The following ZNF43 variants were observed in gnomAD, a reference collection of about 807,000 sequenced individuals.
The protein encoded by ZNF43 is zinc finger protein 39-like 1 (KOX 27).
In ZNF43, 44 loss-of-function variants were observed where a neutral mutation model predicts 68.4. That is an observed-to-expected ratio of 0.64 (90% CI 0.51 to 0.83). The LOEUF (loss-of-function observed/expected upper bound fraction) is 0.83, where lower values mean the gene tolerates loss of function less well. Ranked by LOEUF, ZNF43 falls within the 40% of genes least tolerant of loss-of-function variation. The pLI, the probability that ZNF43 is intolerant of heterozygous loss-of-function variation, is 0.00. For missense variants in ZNF43, 896 were observed against 933.2 expected (o/e 0.96, Z 0.52); for synonymous variants, 308 against 307.8 (o/e 1.00, Z -0.01).
At chr19:21,850,366 C>T (rs1003393230) in intron 1 of ZNF43, among the ~76,000 whole-genome samples, 7 of 151,178 alleles carry the variant, frequency 4.6e-5, no homozygotes, top group Non-Finnish European at 1.0e-4. Context: ...TTCAGACCAG[C>T]CTGGCCAACA....
intron 1 of ZNF43, among the ~76,000 whole-genome samples, chr19:21,831,955 T>G (rs2038444724): frequency 6.6e-6 from 1 of 152,318 alleles, no homozygotes; most frequent in East Asian, 1.9e-4. Flanking sequence ...ATGGCCAAAC[T>G]GCCCAAAGAA....
chr19:21,851,978 G>C (rs564173129), exon 1 of ZNF43: 1 of 1,533,988 alleles, frequency 6.5e-7, no homozygotes, highest in African/African-American at 1.4e-5. Context: ...CAGGGTAACG[G>C]AGGCTGCGAC....
chr19:21,850,567 C>CA (rs1418115973), intron 1 of ZNF43, among the ~76,000 whole-genome samples: 1 of 151,670 alleles, frequency 6.6e-6, no homozygotes, highest in Non-Finnish European at 1.5e-5. Context: ...CTCAAACAAA[C>CA]AAAAAAAGAA....
chr19:21,836,107 C>G lies in ZNF43; in HGVS notation c.-69G>C, dbSNP rs2038718346. On this transcript the variant is annotated 5_prime_UTR_variant, in exon 1 of 4. Transcript: ENST00000354959. The stretch of plus-strand genomic sequence containing the variant: ...CCAATACCCGCAGGTCACAGAGCCA[C>G]AGAGGCTGGACCTCTAGCAGCAGAG... The G allele has an allele frequency of 8.7e-6, 14 of 1,611,440 alleles. No homozygotes were observed. The highest frequency in any genetic ancestry group is 1.1e-5 in the Non-Finnish European group (13 of 1,178,268).
At chr19:21,843,813 T>C (rs999999916) in intron 1 of ZNF43, among the ~76,000 whole-genome samples, 1 of 151,996 alleles carries the variant, frequency 6.6e-6, no homozygotes, top group African/African-American at 2.4e-5. Context: ...GCCTCACAGG[T>C]GTGCTGAATC....
chr19:21,835,877 G>C (rs2038697804), intron 1 of ZNF43, among the ~76,000 whole-genome samples, 159 bp downstream of exon 1: 2 of 152,202 alleles, frequency 1.3e-5, no homozygotes, highest in South Asian at 4.1e-4. Flanking sequence ...GGACGCCCGG[G>C]GCTGCCTCCC....
At position 21,808,396 on chromosome 19, in the gene ZNF43, A is replaced by C; in HGVS notation, c.1641T>G (p.Phe547Leu). ...PYKCEECGKA[F>L]NHFSILTKHK... ...GTTTGGTAAGGATTGAGAAATGGTT[A>C]AAAGCTTTGCCACATTCTTCACATT... Residue 547 changes from phenylalanine to leucine, a missense_variant, in exon 4 of 4, where the codon TTT (phenylalanine) becomes TTG (leucine). By Grantham distance (22) the Phe-to-Leu change is conservative (BLOSUM62 0). Transcript: ENST00000354959. The C allele has an allele frequency of 1.9e-6, 3 of 1,613,004 alleles. No homozygotes were observed. Among genetic ancestry groups the C allele is most frequent in the Non-Finnish European group, 2.5e-6 (3 of 1,179,882 alleles).
upstream of ZNF43, among the ~76,000 whole-genome samples, chr19:21,839,355 A>AAAAAAAAAAAAAAAAAAAAAAAAG (rs1555726813): frequency 6.8e-6 from 1 of 146,158 alleles, no homozygotes; most frequent in Non-Finnish European, 1.5e-5. Flanking sequence ...AAAAAAAAAA[A>AAAAAAAAAAAAAAAAAAAAAAAAG]AGAGATCACA....
chr19:21,834,450 A>G (rs1177844341), intron 1 of ZNF43, among the ~76,000 whole-genome samples: 3 of 152,068 alleles, frequency 2.0e-5, no homozygotes, highest in African/African-American at 7.2e-5. Context: ...AATATGGAAA[A>G]TATTTTCAAA....
At chr19:21,844,579 T>A (rs907196828) in intron 1 of ZNF43, among the ~76,000 whole-genome samples, 2 of 151,836 alleles carry the variant, frequency 1.3e-5, no homozygotes, top group African/African-American at 4.8e-5. Flanking sequence ...AGAATCATCA[T>A]AGTAATTTGT....
Position 21,836,061 on chromosome 19 carries a change from G to A in ZNF43, c.-23C>T. 1 of 1,613,884 alleles carries A rather than the reference G, an allele frequency of 6.2e-7. No homozygotes were observed. Among genetic ancestry groups the A allele is most frequent in the South Asian group, 1.1e-5 (1 of 91,084 alleles). On this transcript the variant is annotated 5_prime_UTR_variant, in exon 1 of 4. Coordinates refer to ENST00000354959, the MANE Select transcript of ZNF43 (RefSeq NM_003423.4). Reference sequence around the variant, plus strand: ...CATTTCTAGGCTTCCGGGGGGTCCTGGCGTCTTAGCTGTGGATCCCCCAAT... The same window carrying A: ...CATTTCTAGGCTTCCGGGGGGTCCTAGCGTCTTAGCTGTGGATCCCCCAAT...
Position 21,819,223 on chromosome 19 carries a change from T to A in ZNF43, c.4-2A>T. On this transcript the variant is annotated splice_acceptor_variant, in intron 1 of 3. Transcript: ENST00000354959. LOFTEE classifies it high-confidence loss of function. ...CACATCCATAAATGTCAATGGTCCC[T>A]AAAAAAAACAACACATACACACACA... 1 of 1,582,626 alleles carries A rather than the reference T, an allele frequency of 6.3e-7. No individual in the cohort carries two copies. Among genetic ancestry groups the A allele is most frequent in the Non-Finnish European group, 8.6e-7 (1 of 1,169,142 alleles).
Position 21,809,389 on chromosome 19 carries a change from G to A in ZNF43, c.648C>T (p.Ile216=). The change falls in exon 4 of 4, where the codon ATC becomes ATT. Residue 216 remains isoleucine (I), a synonymous_variant. Coordinates refer to ENST00000354959, the MANE Select transcript of ZNF43 (RefSeq NM_003423.4). ...KCGKAFNCPS[I]ITKHKRINTG... ...TATTAATTCTCTTATGTTTAGTGAT[G>A]ATTGAAGGGCAGTTAAAAGCTTTTC... 6.2e-7 allele frequency: 1 copy of A among 1,613,540 alleles called. No individual in the cohort carries two copies. Among genetic ancestry groups the A allele is most frequent in the South Asian group, 1.1e-5 (1 of 91,034 alleles).
At chr19:21,837,415 CTTTTTTT>C (rs539940868), upstream of ZNF43, among the ~76,000 whole-genome samples, 118 of 83,978 alleles carry the variant, frequency 1.4e-3, no homozygotes, top group African/African-American at 4.0e-3. Context: ...CCTACACTTA[CTTTTTTT>C]TTTTTTTTTT....
At position 21,809,205 on chromosome 19, in the gene ZNF43, T is replaced by C; in HGVS notation, c.832A>G (p.Ile278Val). 6.2e-7 allele frequency: 1 copy of C among 1,613,550 alleles called. No homozygotes were observed. Among genetic ancestry groups the C allele is most frequent in the Non-Finnish European group, 8.5e-7 (1 of 1,179,784 alleles). The change falls in exon 4 of 4, where the codon ATA becomes GTA. Residue 278 changes from isoleucine (I) to valine (V), a missense_variant. Coordinates refer to ENST00000354959, the MANE Select transcript of ZNF43 (RefSeq NM_003423.4). Reference sequence around the variant, plus strand: ...TAGAATTTCTCTCCAGTGCGAATTATCTTATGGGTAGTAAGGATTGAGGAC... The same window carrying C: ...TAGAATTTCTCTCCAGTGCGAATTACCTTATGGGTAGTAAGGATTGAGGAC... ...NKSSILTTHK[I>V]IRTGEKFYKC...
chr19:21,819,206 T>C lies in ZNF43; in HGVS notation c.19A>G (p.Met7Val). The change falls in exon 2 of 4, where the codon ATG (methionine) becomes GTG (valine). Residue 7 changes from methionine (M) to valine (V), a missense_variant. Coordinates refer to ENST00000354959, the MANE Select transcript of ZNF43 (RefSeq NM_003423.4). ...AGACAGAATTCTATGGCCACATCCATAAATGTCAATGGTCCCTAAAAAAAA... is the reference window on the plus strand; with the variant it reads ...AGACAGAATTCTATGGCCACATCCACAAATGTCAATGGTCCCTAAAAAAAA... MGPLTF[M>V]DVAIEFCLEE... is the part of the protein sequence containing the mutation. 5 of 1,599,328 alleles carry C rather than the reference T, an allele frequency of 3.1e-6. No individual in the cohort carries two copies. The highest frequency in any genetic ancestry group is 4.3e-6 in the Non-Finnish European group (5 of 1,175,644).
intron 1 of ZNF43, among the ~76,000 whole-genome samples, chr19:21,827,617 C>T (rs1384237000): frequency 6.6e-6 from 1 of 151,428 alleles, no homozygotes; most frequent in Admixed American, 6.6e-5. Flanking sequence ...CCACCTTGGC[C>T]TCCCAAAGTG....
At chr19:21,845,618 G>A (rs1967894820) in intron 1 of ZNF43, 1 of 152,238 alleles carries the variant, frequency 6.6e-6, no homozygotes, top group East Asian at 1.9e-4. Context: ...CAGGGGCCAG[G>A]CGCAGTGGCT....
intron 1 of ZNF43, chr19:21,851,073 G>C (rs942113577): frequency 1.3e-5 from 2 of 152,268 alleles, no homozygotes. Context: ...TATTGCAAGA[G>C]AGCCACAATT....
Sources: allele counts gnomAD v4.1 joint callset (sites outside exome capture counted in the v4.1 genomes callset), GRCh38; gene constraint gnomAD v4.1.1; transcripts MANE v1.5; gene names NCBI Gene and HGNC (gene_info 2026-07-23, HGNC 2026-07-21).